Variants in OR13C4 observed in about 807,000 individuals in gnomAD.
OR13C4 encodes the protein olfactory receptor family 13 subfamily C member 4.
For synonymous variants in OR13C4, 138 were observed against 140.8 expected, an observed-to-expected ratio of 0.98 and a Z score of 0.14; for missense variants, 383 against 381.7, an observed-to-expected ratio of 1.00 and a Z score of -0.03.
chr9:104,526,620 A>C lies in OR13C4; in HGVS notation c.590T>G (p.Val197Gly). 1 of 1,613,026 alleles carries C rather than the reference A, an allele frequency of 6.2e-7. No homozygotes were observed. Among genetic ancestry groups the C allele is most frequent in the African/African-American group, 1.3e-5 (1 of 75,026 alleles). Residue 197 changes from valine to glycine, a missense_variant, in exon 1 of 1, where the codon GTT becomes GGT. Transcript: ENST00000277216. ...LACSDISVNI[V>G]TLAVSNIAFL... ...AGCAATATTTGACACTGCTAGGGTA[A>C]CAATATTGACAGATATATCAGAACA...
At position 104,526,451 on chromosome 9, in the gene OR13C4, A is replaced by G. The variant is rs78740063; in HGVS notation, c.759T>C (p.Gly253=). The G allele has an allele frequency of 7.2e-4, 1,161 of 1,614,142 alleles. 23 individuals carry two copies. The East Asian group carries it at 0.022, about 30-fold the overall frequency. ...AHLTVVIIFY[G]TIFFMYAKPK... ...GTTTTGCATACATAAAGAAGATGGT[A>G]CCATAAAATATGATCACCACAGTCA... The change falls in exon 1 of 1, where the codon GGT becomes GGC. Residue 253 remains glycine, a synonymous_variant. Coordinates refer to ENST00000277216, the MANE Select transcript of OR13C4 (RefSeq NM_001001919.1).
chr9:104,526,537 TG>T lies in OR13C4; in HGVS notation c.672del (p.Ile225SerfsTer21), dbSNP rs1564206383. The T allele has an allele frequency of 3.7e-6, 6 of 1,614,062 alleles. No homozygotes were observed. In the South Asian group the frequency reaches 6.6e-5, roughly 18 times the overall value. On this transcript the variant is annotated frameshift_variant, in exon 1 of 1. Coordinates refer to ENST00000277216, the MANE Select transcript of OR13C4 (RefSeq NM_001001919.1). LOFTEE classifies it low-confidence loss of function (END_TRUNC). ...CCTGTGGCCGAGTTCGTTCGCAAGATGGTGTAGAGGATGAACATATAGGAGA... is the reference window on the plus strand; with the variant it reads ...CCTGTGGCCGAGTTCGTTCGCAAGATGTGTAGAGGATGAACATATAGGAGA... Reference protein sequence around the residue: ...IFFSYMFILYTILRTNSATGR... With the variant: ...IFFSYMFILYXILRTNSATGR...
rs774478136 is a variant in OR13C4 at position 104,526,390 on chromosome 9, G to T, written c.820C>A (p.Gln274Lys). The change falls in exon 1 of 1, where the codon CAA becomes AAA. Residue 274 changes from glutamine to lysine, a missense_variant. Coordinates refer to ENST00000277216, the MANE Select transcript of OR13C4 (RefSeq NM_001001919.1). ...SQDLLGKDNLQATEGLVSMFY... is the reference protein window; with the variant it reads ...SQDLLGKDNLKATEGLVSMFY... ...ATGGAAACAAGCCCCTCTGTAGCTT[G>T]CAAGTTGTCTTTCCCAAGGAGGTCC... 1.9e-6 allele frequency: 3 copies of T among 1,613,882 alleles called. No individual in the cohort carries two copies.
At position 104,526,824 on chromosome 9, in the gene OR13C4, G is replaced by T. The variant is rs757277937; in HGVS notation, c.386C>A (p.Pro129His). 2 of 1,614,124 alleles carry T rather than the reference G, an allele frequency of 1.2e-6. No homozygotes were observed. The highest frequency in any genetic ancestry group is 1.7e-6 in the Non-Finnish European group (2 of 1,180,010). The change falls in exon 1 of 1, where the codon CCT becomes CAT. Residue 129 changes from proline to histidine, a missense_variant. Transcript: ENST00000277216. ...GTTCATGATGATGGGGTATCTCAGA[G>T]GGTTACAGATGGCCACATAACGATC... ...AFDRYVAICN[P>H]LRYPIIMNKV...
At position 104,526,437 on chromosome 9, in the gene OR13C4, A is replaced by T. The variant is rs1409060105; in HGVS notation, c.773T>A (p.Met258Lys). Residue 258 changes from methionine to lysine, a missense_variant, in exon 1 of 1, where the codon ATG becomes AAG. Met to Lys is a moderately conservative substitution (Grantham distance 95). Coordinates refer to ENST00000277216, the MANE Select transcript of OR13C4 (RefSeq NM_001001919.1). ...VIIFYGTIFF[M>K]YAKPKSQDLL... Reference sequence around the variant, plus strand: ...GTCCTGGGACTTAGGTTTTGCATACATAAAGAAGATGGTACCATAAAATAT... The same window carrying T: ...GTCCTGGGACTTAGGTTTTGCATACTTAAAGAAGATGGTACCATAAAATAT... 6.2e-7 allele frequency: 1 copy of T among 1,614,176 alleles called. No homozygotes were observed.
At position 104,526,931 on chromosome 9, in the gene OR13C4, G is replaced by C; in HGVS notation, c.279C>G (p.Ser93=). 6.2e-7 allele frequency: 1 copy of C among 1,614,106 alleles called. No homozygotes were observed. The stretch of plus-strand genomic sequence containing the variant: ...ACATCTGCACTGCACATCCAGAGAA[G>C]GAAATGTTTCTTTTCTTTGAGATTA... ...VSLISKKRNI[S]FSGCAVQMFF... Residue 93 remains serine (S), a synonymous_variant, in exon 1 of 1, where the codon TCC becomes TCG. Coordinates refer to ENST00000277216, the MANE Select transcript of OR13C4 (RefSeq NM_001001919.1).
In OR13C4 at chr9:104,526,850, A is replaced by G. The variant is rs758256259; in HGVS notation, c.360T>C (p.Phe120=). The G allele has an allele frequency of 2.4e-5, 39 of 1,614,144 alleles. No homozygotes were observed. The highest frequency in any genetic ancestry group is 3.3e-5 in the Non-Finnish European group (39 of 1,179,990). Residue 120 remains phenylalanine, a synonymous_variant, in exon 1 of 1, where the codon TTT becomes TTC. Coordinates refer to ENST00000277216, the MANE Select transcript of OR13C4 (RefSeq NM_001001919.1). ...TECFLLGMMA[F]DRYVAICNPL... ...GGTTACAGATGGCCACATAACGATC[A>G]AATGCCATCATGCCAAGGAGGAAAC...
chr9:104,526,669 T>G lies in OR13C4; in HGVS notation c.541A>C (p.Ile181Leu), dbSNP rs1828715401. Residue 181 changes from isoleucine (I) to leucine (L), a missense_variant, in exon 1 of 1, where the codon ATC (isoleucine) becomes CTC (leucine). Physicochemically the swap from Ile to Leu is conservative, Grantham distance 5 (BLOSUM62 2). Coordinates refer to ENST00000277216, the MANE Select transcript of OR13C4 (RefSeq NM_001001919.1). ...NNIINHFLCE[I>L]LAVLKLACSD... ...CAAGCTAATTTTAGGACAGCTAAGA[T>G]CTCGCATAAGAAATGATTAATAATA... The G allele has an allele frequency of 1.2e-6, 2 of 1,613,968 alleles. No homozygotes were observed. Among genetic ancestry groups the G allele is most frequent in the East Asian group, 2.2e-5 (1 of 44,866 alleles).
At position 104,527,154 on chromosome 9, in the gene OR13C4, C is replaced by A. The variant is rs1156663885; in HGVS notation, c.56G>T (p.Gly19Val). The change falls in exon 1 of 1, where the codon GGT becomes GTT. Residue 19 changes from glycine to valine, a missense_variant. Transcript: ENST00000277216. ...GAAAATGATCTCAAGTTTGGGGTAA[C>A]CAGAGAGTCCCAGAAGAATGAATTC... is the stretch of plus-strand genomic sequence containing the variant. ...VREFILLGLS[G>V]YPKLEIIFFA... is the part of the protein sequence containing the mutation. 6.2e-7 allele frequency: 1 copy of A among 1,611,910 alleles called. No individual in the cohort carries two copies. Among genetic ancestry groups the A allele is most frequent in the African/African-American group, 1.3e-5 (1 of 74,884 alleles).
rs1220779387 is a variant in OR13C4, at chr9:104,526,712, C to T, written c.498G>A (p.Trp166Ter). 1 of 1,613,858 alleles carries T rather than the reference C, an allele frequency of 6.2e-7. No individual in the cohort carries two copies. The highest frequency in any genetic ancestry group is 2.2e-5 in the East Asian group (1 of 44,860). The stretch of plus-strand genomic sequence containing the variant: ...TAATAATATTGTTCCCACAGAAAGG[C>T]CATCGCATGGCAAGTGATGTTTGCA... ...STVQTSLAMR[W>*]PFCGNNIINH... Residue 166 changes from tryptophan to a stop codon, truncating the protein, a stop_gained, in exon 1 of 1, where the codon TGG (tryptophan) becomes TGA (stop). Coordinates refer to ENST00000277216, the MANE Select transcript of OR13C4 (RefSeq NM_001001919.1). LOFTEE classifies it low-confidence loss of function (END_TRUNC).
At position 104,526,645 on chromosome 9, in the gene OR13C4, A is replaced by G. The variant is rs752612557; in HGVS notation, c.565T>C (p.Cys189Arg). The G allele has an allele frequency of 1.2e-6, 2 of 1,613,894 alleles. No individual in the cohort carries two copies. Among genetic ancestry groups the G allele is most frequent in the East Asian group, 2.2e-5 (1 of 44,882 alleles). ...CEILAVLKLA[C>R]SDISVNIVTL... ...ACAATATTGACAGATATATCAGAACAAGCTAATTTTAGGACAGCTAAGATC... is the reference window on the plus strand; with the variant it reads ...ACAATATTGACAGATATATCAGAACGAGCTAATTTTAGGACAGCTAAGATC... Residue 189 changes from cysteine to arginine, a missense_variant, in exon 1 of 1, where the codon TGT becomes CGT. Transcript: ENST00000277216.
At position 104,526,673 on chromosome 9, in the gene OR13C4, G is replaced by T. The variant is rs76238339; in HGVS notation, c.537C>A (p.Cys179Ter). 5 of 1,613,768 alleles carry T rather than the reference G, an allele frequency of 3.1e-6. No homozygotes were observed. The highest frequency in any genetic ancestry group is 2.2e-5 in the East Asian group (1 of 44,868). Residue 179 changes from cysteine to a stop codon, truncating the protein, a stop_gained, in exon 1 of 1, where the codon TGC becomes TGA. Transcript: ENST00000277216. LOFTEE classifies it low-confidence loss of function (END_TRUNC). ...CGNNIINHFL[C>*]EILAVLKLAC... is the part of the protein sequence containing the mutation. ...CTAATTTTAGGACAGCTAAGATCTC[G>T]CATAAGAAATGATTAATAATATTGT...
rs1564206443 is a variant in OR13C4 at position 104,526,649 on chromosome 9, T to A, written c.561A>T (p.Leu187Phe). ...TATTGACAGATATATCAGAACAAGC[T>A]AATTTTAGGACAGCTAAGATCTCGC... Reference protein sequence around the residue: ...FLCEILAVLKLACSDISVNIV... With the variant: ...FLCEILAVLKFACSDISVNIV... The change falls in exon 1 of 1, where the codon TTA becomes TTT. Residue 187 changes from leucine to phenylalanine, a missense_variant. Physicochemically the swap from Leu to Phe is conservative, Grantham distance 22. Coordinates refer to ENST00000277216, the MANE Select transcript of OR13C4 (RefSeq NM_001001919.1). The A allele has an allele frequency of 1.9e-6, 3 of 1,613,954 alleles. No individual in the cohort carries two copies. The highest frequency in any genetic ancestry group is 2.5e-6 in the Non-Finnish European group (3 of 1,179,810).
In OR13C4 at chr9:104,527,119, T is replaced by C; in HGVS notation, c.91A>G (p.Ile31Val). Residue 31 changes from isoleucine to valine, a missense_variant, in exon 1 of 1, where the codon ATT becomes GTT. Coordinates refer to ENST00000277216, the MANE Select transcript of OR13C4 (RefSeq NM_001001919.1). ...PKLEIIFFAL[I>V]LVMYVVILIG... ...AGAATCACTACGTACATAACTAGAA[T>C]CAGAGCAAAGAAAATGATCTCAAGT... The C allele has an allele frequency of 6.2e-7, 1 of 1,613,534 alleles. No individual in the cohort carries two copies. Among genetic ancestry groups the C allele is most frequent in the Non-Finnish European group, 8.5e-7 (1 of 1,179,686 alleles).
chr9:104,526,751 TC>T lies in OR13C4; in HGVS notation c.458del (p.Gly153GlufsTer30). The T allele has an allele frequency of 6.2e-7, 1 of 1,614,084 alleles. No homozygotes were observed. The highest frequency in any genetic ancestry group is 8.5e-7 in the Non-Finnish European group (1 of 1,179,958). On this transcript the variant is annotated frameshift_variant, in exon 1 of 1. Coordinates refer to ENST00000277216, the MANE Select transcript of OR13C4 (RefSeq NM_001001919.1). LOFTEE classifies it low-confidence loss of function (END_TRUNC). The part of the protein sequence containing the change: ...LLTSVSWLSG[G>X]INSTVQTSLA... ...GTGATGTTTGCACAGTTGAATTGAT[TC>T]CACCAGAAAGCCATGATACAGAAGT...
In OR13C4 at chr9:104,526,995, C is replaced by T. The variant is rs757366779; in HGVS notation, c.215G>A (p.Cys72Tyr). 3 of 1,614,060 alleles carry T rather than the reference C, an allele frequency of 1.9e-6. No individual in the cohort carries two copies. Among genetic ancestry groups the T allele is most frequent in the Non-Finnish European group, 2.5e-6 (3 of 1,179,962 alleles). The part of the protein sequence containing the change: ...FLGNLSFLDI[C>Y]YTTSSIPSTL... The stretch of plus-strand genomic sequence containing the variant: ...TGAGGGAATGGAGGAGGTTGTATAG[C>T]AGATATCCAGGAAAGAGAGGTTGCC... The change falls in exon 1 of 1, where the codon TGC becomes TAC. Residue 72 changes from cysteine to tyrosine, a missense_variant. Cys to Tyr is a radical substitution (Grantham distance 194). Coordinates refer to ENST00000277216, the MANE Select transcript of OR13C4 (RefSeq NM_001001919.1).
chr9:104,527,109 A>G lies in OR13C4; in HGVS notation c.101T>C (p.Met34Thr), dbSNP rs1828721361. The G allele has an allele frequency of 6.2e-7, 1 of 1,613,722 alleles. No individual in the cohort carries two copies. Among genetic ancestry groups the G allele is most frequent in the Non-Finnish European group, 8.5e-7 (1 of 1,179,664 alleles). Residue 34 changes from methionine (M) to threonine (T), a missense_variant, in exon 1 of 1, where the codon ATG (methionine) becomes ACG (threonine). Transcript: ENST00000277216. Reference protein sequence around the residue: ...EIIFFALILVMYVVILIGNGV... With the variant: ...EIIFFALILVTYVVILIGNGV... Reference sequence around the variant, plus strand: ...ATTGCCAATTAGAATCACTACGTACATAACTAGAATCAGAGCAAAGAAAAT... The same window carrying G: ...ATTGCCAATTAGAATCACTACGTACGTAACTAGAATCAGAGCAAAGAAAAT...
rs749736712 is a variant in OR13C4 at position 104,526,871 on chromosome 9, G to A, written c.339C>T (p.Phe113=). 1 of 1,614,008 alleles carries A rather than the reference G, an allele frequency of 6.2e-7. No individual in the cohort carries two copies. Among genetic ancestry groups the A allele is most frequent in the African/African-American group, 1.3e-5 (1 of 74,924 alleles). ...FGFAMGSTEC[F]LLGMMAFDRY... is the part of the protein sequence containing the mutation. ...GATCAAATGCCATCATGCCAAGGAG[G>A]AAACATTCTGTTGACCCCATTGCAA... The change falls in exon 1 of 1, where the codon TTC becomes TTT. Residue 113 remains phenylalanine, a synonymous_variant. Transcript: ENST00000277216.
Position 104,526,447 on chromosome 9 carries a change from T to C in OR13C4, c.763A>G (p.Ile255Val), listed in dbSNP as rs745551319. 3 of 1,614,010 alleles carry C rather than the reference T, an allele frequency of 1.9e-6. No individual in the cohort carries two copies. Among genetic ancestry groups the C allele is most frequent in the Admixed American group, 3.3e-5 (2 of 60,004 alleles). ...TTAGGTTTTGCATACATAAAGAAGA[T>C]GGTACCATAAAATATGATCACCACA... Reference protein sequence around the residue: ...LTVVIIFYGTIFFMYAKPKSQ... With the variant: ...LTVVIIFYGTVFFMYAKPKSQ... Residue 255 changes from isoleucine to valine, a missense_variant, in exon 1 of 1, where the codon ATC becomes GTC. Coordinates refer to ENST00000277216, the MANE Select transcript of OR13C4 (RefSeq NM_001001919.1).
Sources: allele counts gnomAD v4.1 joint callset, GRCh38; gene constraint gnomAD v4.1.1; transcripts MANE v1.5; gene names NCBI Gene and HGNC (gene_info 2026-07-23, HGNC 2026-07-21).